PLXDC1: variants seen among roughly 807,000 people sequenced by gnomAD.
PLXDC1 encodes the protein plexin domain containing 1.
PLXDC1 carries 39 observed loss-of-function variants against 61.3 expected under a neutral mutation model. The observed-to-expected ratio is 0.64, with a 90% CI of 0.49 to 0.83. PLXDC1 has a LOEUF of 0.83. PLXDC1 is among the 40% of genes least tolerant of loss of function. The probability of loss-of-function intolerance (pLI) is 0.00; values close to 1 mark genes in which losing one functional copy is unlikely to be tolerated. For missense variants in PLXDC1, 596 were observed against 666.5 expected, an observed-to-expected ratio of 0.89 and a Z score of 1.17; for synonymous variants, 212 against 254.5, an observed-to-expected ratio of 0.83 and a Z score of 1.59.
chr17:39,118,174 TTCTC>T (rs1433178284), intron 2 of PLXDC1, among the ~76,000 whole-genome samples: 5 of 150,790 alleles, frequency 3.3e-5, no homozygotes, highest in African/African-American at 7.3e-5. Context: ...CTTTCTTTCT[TTCTC>T]TCTCTGTCTG....
intron 2 of PLXDC1, among the ~76,000 whole-genome samples, chr17:39,117,574 A>AG: frequency 2.2e-5 from 1 of 45,250 alleles, no homozygotes; most frequent in African/African-American, 1.3e-4. Flanking sequence ...CCAAGTCTAC[A>AG]AAAAAAAAAA....
At chr17:39,075,298 G>A (rs750504455) in intron 11 of PLXDC1, among the ~76,000 whole-genome samples, 4 of 152,188 alleles carry the variant, frequency 2.6e-5, no homozygotes, top group Admixed American at 6.5e-5. Context: ...GCACCACCAC[G>A]TGCTCTGCTC....
At chr17:39,078,369 G>T (rs1283559951) in intron 10 of PLXDC1, among the ~76,000 whole-genome samples, 1 of 152,200 alleles carries the variant, frequency 6.6e-6, no homozygotes, top group East Asian at 1.9e-4. Context: ...CGAGATGCAG[G>T]CCAATTCATT....
chr17:39,109,460 C>G, intron 2 of PLXDC1, 69 bp from the exon 3 acceptor site: 1 of 1,516,708 alleles, frequency 6.6e-7, no homozygotes, highest in Non-Finnish European at 8.9e-7. Context: ...ACTCTCCGCC[C>G]TTCCCCACTC....
At chr17:39,095,367 G>A (rs76329695) in intron 7 of PLXDC1, among the ~76,000 whole-genome samples, 3 of 7,582 alleles carry the variant, frequency 4.0e-4, no homozygotes, top group African/African-American at 4.6e-4. Flanking sequence ...CTTACGCCCC[G>A]CCCCCCCCCC....
At chr17:39,132,290 GTCTCTGACTCAGCACATCCCAGGA>G (rs1186561870) in intron 2 of PLXDC1, among the ~76,000 whole-genome samples, 97 of 152,108 alleles carry the variant, frequency 6.4e-4, no homozygotes, top group African/African-American at 1.9e-3. Flanking sequence ...ACATCCCAGG[GTCTCTGACTCAGCACATCCCAGGA>G]TCTCTGACTC....
At chr17:39,144,486 T>C (rs1050558097) in intron 1 of PLXDC1, among the ~76,000 whole-genome samples, 3 of 152,214 alleles carry the variant, frequency 2.0e-5, no homozygotes, top group African/African-American at 7.2e-5. Context: ...ATCTGTTTCC[T>C]GGCCACCCTT....
At chr17:39,118,086 C>CTTCT (rs1249293059) in intron 2 of PLXDC1, among the ~76,000 whole-genome samples, 1 of 104,606 alleles carries the variant, frequency 9.6e-6, no homozygotes, top group Non-Finnish European at 2.0e-5. Flanking sequence ...CCCTCCCTCC[C>CTTCT]TTCCTTCCTT....
At chr17:39,149,020 G>A (rs2045357944) in intron 1 of PLXDC1, among the ~76,000 whole-genome samples, 1 of 152,048 alleles carries the variant, frequency 6.6e-6, no homozygotes. Context: ...TGCACCTCTG[G>A]TTCCATCTGA....
At chr17:39,086,548 C>CTGGA (rs1909746481) in intron 8 of PLXDC1, among the ~76,000 whole-genome samples, 1 of 151,750 alleles carries the variant, frequency 6.6e-6, no homozygotes, top group African/African-American at 2.4e-5. Flanking sequence ...AATTCCAACA[C>CTGGA]TGGACATGGT....
intron 1 of PLXDC1, among the ~76,000 whole-genome samples, chr17:39,148,464 T>A (rs1442938104): frequency 8.6e-5 from 13 of 151,810 alleles, no homozygotes; most frequent in Admixed American, 8.5e-4. Flanking sequence ...CACTATAACC[T>A]CTGCCTCTCG....
At chr17:39,131,447 G>A (rs1043160264) in intron 2 of PLXDC1, among the ~76,000 whole-genome samples, 2 of 152,048 alleles carry the variant, frequency 1.3e-5, no homozygotes, top group Non-Finnish European at 2.9e-5. Flanking sequence ...TCCACCTCCA[G>A]GTTCAAGCGA....
At chr17:39,096,993 A>T in intron 7 of PLXDC1, 1 of 471,246 alleles carries the variant, frequency 2.1e-6, no homozygotes, top group Admixed American at 2.3e-5. Context: ...AGTTTATACG[A>T]GGAAGTACTG....
intron 7 of PLXDC1, among the ~76,000 whole-genome samples, chr17:39,091,903 G>A (rs1909964852): frequency 6.8e-6 from 1 of 147,558 alleles, no homozygotes; most frequent in African/African-American, 2.5e-5. Flanking sequence ...AGGCTGCAGT[G>A]AGCTGAGACT....
chr17:39,092,156 G>A (rs1336007813), intron 7 of PLXDC1, among the ~76,000 whole-genome samples: 1 of 151,920 alleles, frequency 6.6e-6, no homozygotes, highest in Middle Eastern at 3.2e-3. Flanking sequence ...ACAGTTCACT[G>A]CAGCCTTGAC....
intron 2 of PLXDC1, among the ~76,000 whole-genome samples, chr17:39,121,201 ATCTCTGAACCCACCTATGACCTGTGAGC>A (rs1431282691): frequency 1.3e-5 from 2 of 152,206 alleles, no homozygotes; most frequent in Non-Finnish European, 2.9e-5. Flanking sequence ...AAATTAAAGA[ATCTCTGAACCCACCTATGACCTGTGAGC>A]TCTCACTTCA....
chr17:39,100,443 A>T (rs1419822005), intron 7 of PLXDC1, among the ~76,000 whole-genome samples: 1 of 152,118 alleles, frequency 6.6e-6, no homozygotes, highest in African/African-American at 2.4e-5. Flanking sequence ...TTTAGTAAGG[A>T]TGGGGTTTCG....
At chr17:39,136,675 A>G (rs573791485) in intron 2 of PLXDC1, among the ~76,000 whole-genome samples, 1 of 152,342 alleles carries the variant, frequency 6.6e-6, no homozygotes, top group African/African-American at 2.4e-5. Flanking sequence ...AAATTGTTCT[A>G]ATATCCTCAG....
chr17:39,063,603 A>G lies in PLXDC1; in HGVS notation c.*4237T>C. On this transcript the variant is annotated 3_prime_UTR_variant, in exon 14 of 14. Coordinates refer to ENST00000315392, the MANE Select transcript of PLXDC1 (RefSeq NM_020405.5). ...AAATCCTTTGCACTTTCTTTTGCAC[A>G]CAGCAGGAGTTGTAAAAGAATGCTT... is the stretch of plus-strand genomic sequence containing the variant. 1.5e-6 allele frequency: 1 copy of G among 654,154 alleles called. No individual in the cohort carries two copies. Among genetic ancestry groups the G allele is most frequent in the Non-Finnish European group, 2.7e-6 (1 of 364,354 alleles). The allele number at this position is 654,154 out of a possible 1,614,324, so 40.5% of individuals were successfully genotyped here.
Sources: gnomAD v4.1 joint callset for allele counts (sites outside exome capture counted in the v4.1 genomes callset) on GRCh38, gnomAD v4.1.1 for gene constraint, MANE v1.5 for transcripts, NCBI Gene and HGNC (gene_info 2026-07-23, HGNC 2026-07-21) for gene names.